The following MRPS9 variants were observed in gnomAD, a reference collection of about 807,000 sequenced individuals.
MRPS9 encodes mitochondrial ribosomal protein S9, also known as small ribosomal subunit protein uS9m.
MRPS9 carries 45 observed loss-of-function variants against 59.9 expected under a neutral mutation model. That is an observed-to-expected ratio of 0.75 (90% CI 0.59 to 0.96). MRPS9 has a LOEUF of 0.96. Ranked by LOEUF, MRPS9 falls within the 40% of genes least tolerant of loss-of-function variation. The pLI, the probability that MRPS9 is intolerant of heterozygous loss-of-function variation, is 0.00. For missense variants in MRPS9, 473 were observed against 481.1 expected (o/e 0.98, Z 0.16); for synonymous variants, 171 against 166.8 (o/e 1.03, Z -0.19).
At chr2:105,065,658 C>T (rs1573430068) in intron 2 of MRPS9, among the ~76,000 whole-genome samples, 1 of 152,138 alleles carries the variant, frequency 6.6e-6, no homozygotes, top group Non-Finnish European at 1.5e-5. Flanking sequence ...ACCATGTTTT[C>T]GTGTTCACTG....
At chr2:105,087,324 T>A (rs956112460) in intron 5 of MRPS9, among the ~76,000 whole-genome samples, 1 of 152,216 alleles carries the variant, frequency 6.6e-6, no homozygotes, top group Admixed American at 6.5e-5. Context: ...AATACTAGGA[T>A]GAAATTAACT....
At chr2:105,045,666 T>C (rs1324264307) in intron 1 of MRPS9, among the ~76,000 whole-genome samples, 2 of 149,336 alleles carry the variant, frequency 1.3e-5, no homozygotes, top group Non-Finnish European at 3.0e-5. Flanking sequence ...CGGTACAATC[T>C]ACCCTAAGAT....
chr2:105,048,748 G>A (rs1175660424), intron 1 of MRPS9, among the ~76,000 whole-genome samples: 2 of 151,840 alleles, frequency 1.3e-5, no homozygotes, highest in African/African-American at 4.8e-5. Context: ...AGGCCATGCC[G>A]TTTGCTGTCG....
intron 7 of MRPS9, among the ~76,000 whole-genome samples, chr2:105,090,813 T>A (rs1680543495): frequency 6.6e-6 from 1 of 152,228 alleles, no homozygotes; most frequent in Non-Finnish European, 1.5e-5. Context: ...CTAACATTGT[T>A]AGTACTTTGC....
chr2:105,075,670 C>G (rs7603319), intron 4 of MRPS9, among the ~76,000 whole-genome samples: 1 of 152,050 alleles, frequency 6.6e-6, no homozygotes, highest in African/African-American at 2.4e-5. Context: ...CCAAGTAAAG[C>G]TTTATATTAA....
chr2:105,039,309 G>T (rs1433389149), intron 1 of MRPS9, among the ~76,000 whole-genome samples: 1 of 141,200 alleles, frequency 7.1e-6, no homozygotes, highest in Non-Finnish European at 1.5e-5. Flanking sequence ...CTATTCATGT[G>T]GACATTTGTT....
At chr2:105,099,493 A>G (rs1197835499) in intron 10 of MRPS9, among the ~76,000 whole-genome samples, 177 bp from the exon 11 acceptor site, 1 of 152,214 alleles carries the variant, frequency 6.6e-6, no homozygotes, top group African/African-American at 2.4e-5. Context: ...ATCCTGAAAG[A>G]GTGGAAGCAA....
At chr2:105,083,808 ATGT>A (rs1026062641) in intron 5 of MRPS9, among the ~76,000 whole-genome samples, 2 of 152,208 alleles carry the variant, frequency 1.3e-5, no homozygotes, top group South Asian at 2.1e-4. Flanking sequence ...CTTAAGAAAC[ATGT>A]TGTTTTAACA....
At chr2:105,077,525 G>A (rs1315773210) in intron 4 of MRPS9, among the ~76,000 whole-genome samples, 6 of 152,152 alleles carry the variant, frequency 3.9e-5, no homozygotes, top group East Asian at 3.9e-4. Context: ...GTTTAATACC[G>A]TTTATATCTT....
chr2:105,051,597 G>A (rs1303882873), intron 2 of MRPS9, among the ~76,000 whole-genome samples: 5 of 152,156 alleles, frequency 3.3e-5, no homozygotes, highest in Non-Finnish European at 7.4e-5. Context: ...TTTTGATAGG[G>A]ATTGTGCTGA....
At chr2:105,059,203 T>C (rs1434573769) in intron 2 of MRPS9, among the ~76,000 whole-genome samples, 1 of 152,178 alleles carries the variant, frequency 6.6e-6, no homozygotes, top group Non-Finnish European at 1.5e-5. Flanking sequence ...ATTTTAGAAT[T>C]GAATATGGGA....
chr2:105,086,297 C>T (rs1164907732), intron 5 of MRPS9, among the ~76,000 whole-genome samples: 1 of 152,138 alleles, frequency 6.6e-6, no homozygotes, highest in East Asian at 1.9e-4. Context: ...TCGAATTCAT[C>T]GTGTTTGAAA....
chr2:105,052,460 CT>C (rs1319984998), intron 2 of MRPS9, among the ~76,000 whole-genome samples: 1 of 152,074 alleles, frequency 6.6e-6, no homozygotes, highest in African/African-American at 2.4e-5. Context: ...TTAAACCAAC[CT>C]TGTGTTCATG....
At chr2:105,091,178 T>C in intron 7 of MRPS9, 1 of 407,114 alleles carries the variant, frequency 2.5e-6, no homozygotes, top group Admixed American at 2.7e-5. Flanking sequence ...TTATATATGA[T>C]ACTTTGTACT....
intron 2 of MRPS9, among the ~76,000 whole-genome samples, chr2:105,066,182 A>C (rs1415424062): frequency 1.3e-5 from 2 of 151,554 alleles, no homozygotes; most frequent in African/African-American, 4.9e-5. Context: ...TTTGTTTTTC[A>C]TTGTTTTCAC....
In MRPS9 at chr2:105,080,080, A is replaced by G. The variant is rs150844408; in HGVS notation, c.489+18A>G. The G allele has an allele frequency of 7.6e-3, 11,518 of 1,518,798 alleles. 61 individuals carry two copies. Among genetic ancestry groups the G allele is most frequent in the Admixed American group, 0.011 (616 of 56,772 alleles). 94.1% of individuals were successfully genotyped at this position (1,518,798 alleles called of 1,614,324 possible). A position where few individuals can be genotyped will look rare whatever the true frequency, so the allele number is the denominator to read the frequency against. On this transcript the variant is annotated intron_variant, in intron 5 of 10. Coordinates refer to ENST00000258455, the MANE Select transcript of MRPS9 (RefSeq NM_182640.3). Reference sequence around the variant, plus strand: ...TAATGCATGTAAGTATATTGCATTTATGATAAATAATATGAGCTGTAAGCT... The same window carrying G: ...TAATGCATGTAAGTATATTGCATTTGTGATAAATAATATGAGCTGTAAGCT...
chr2:105,038,358 T>C, intron 1 of MRPS9, 131 bp downstream of exon 1: 1 of 1,254,548 alleles, frequency 8.0e-7, no homozygotes, highest in Admixed American at 2.5e-5. Flanking sequence ...TTAGTGGAGG[T>C]CTGAGGTTGG....
chr2:105,061,985 A>G (rs931284176), intron 2 of MRPS9, among the ~76,000 whole-genome samples: 9 of 152,222 alleles, frequency 5.9e-5, no homozygotes, highest in Admixed American at 2.0e-4. Flanking sequence ...AAAATTAACT[A>G]TGATTCAAAT....
chr2:105,091,601 AGT>A (rs1396293526), intron 7 of MRPS9, among the ~76,000 whole-genome samples: 2 of 152,340 alleles, frequency 1.3e-5, no homozygotes, highest in East Asian at 1.9e-4. Flanking sequence ...GACAAAGATG[AGT>A]GTGATGTTTA....
Sources: allele counts gnomAD v4.1 joint callset (sites outside exome capture counted in the v4.1 genomes callset), GRCh38; gene constraint gnomAD v4.1.1; transcripts MANE v1.5; gene names NCBI Gene and HGNC (gene_info 2026-07-23, HGNC 2026-07-21).